Variants in TBC1D19 observed in about 807,000 individuals in gnomAD.
The protein encoded by TBC1D19 is TBC1 domain family, member 19.
Under a neutral mutation model 89.0 loss-of-function variants are expected in TBC1D19, and 60 were observed. The observed-to-expected ratio is 0.67, with a 90% CI of 0.55 to 0.84. The LOEUF (loss-of-function observed/expected upper bound fraction) is 0.84, where lower values mean the gene tolerates loss of function less well. TBC1D19 is among the 40% of genes least tolerant of loss of function. TBC1D19 has a pLI of 0.00. For synonymous variants in TBC1D19, 189 were observed against 199.7 expected (o/e 0.95, Z 0.45); for missense variants, 500 against 610.8 (o/e 0.82, Z 1.91).
the TBC1D19 span, among the ~76,000 whole-genome samples, chr4:26,850,746 C>T: frequency 1.4e-3 from 208 of 152,112 alleles, 1 homozygote; most frequent in African/African-American, 4.6e-3. Flanking sequence ...AACTGTGAGA[C>T]AAAAAATTTC....
chr4:26,775,647 A>C, the TBC1D19 span, among the ~76,000 whole-genome samples: 1 of 152,222 alleles, frequency 6.6e-6, no homozygotes, highest in East Asian at 1.9e-4. Context: ...ACACCTTGAT[A>C]TTGGATTTCC....
intron 16 of TBC1D19, among the ~76,000 whole-genome samples, 189 bp downstream of exon 16, chr4:26,735,676 T>A (rs1370762298): frequency 6.6e-6 from 1 of 152,110 alleles, no homozygotes; most frequent in East Asian, 1.9e-4. Flanking sequence ...TATTACACAT[T>A]AGAAAATTGA....
intron 13 of TBC1D19, among the ~76,000 whole-genome samples, chr4:26,699,830 A>T (rs1185417810): frequency 7.3e-6 from 1 of 136,576 alleles, no homozygotes; most frequent in Non-Finnish European, 1.5e-5. Context: ...ACTTGGACAC[A>T]GGAAGGGGAA....
At chr4:26,787,394 G>A in the TBC1D19 span, among the ~76,000 whole-genome samples, 19 of 152,088 alleles carry the variant, frequency 1.2e-4, no homozygotes, top group Non-Finnish European at 1.9e-4. Flanking sequence ...GAGCCACAGC[G>A]CCTGTCTAAA....
the TBC1D19 span, among the ~76,000 whole-genome samples, chr4:26,765,550 A>G: frequency 6.6e-6 from 1 of 152,122 alleles, no homozygotes; most frequent in Admixed American, 6.6e-5. Flanking sequence ...ATTGATGCCT[A>G]GAGAGTAAGT....
the TBC1D19 span, among the ~76,000 whole-genome samples, chr4:26,779,123 G>A: frequency 6.6e-6 from 1 of 152,202 alleles, no homozygotes; most frequent in African/African-American, 2.4e-5. Context: ...GATCTAGTTT[G>A]GGGCCTGAGA....
intron 13 of TBC1D19, among the ~76,000 whole-genome samples, chr4:26,700,997 C>T (rs1392282561): frequency 1.3e-5 from 2 of 152,144 alleles, no homozygotes; most frequent in Admixed American, 6.5e-5. Context: ...CCCACCTCTC[C>T]GGGTGGATTG....
Position 26,754,160 on chromosome 4 carries a change from G to A in TBC1D19, c.1506+270G>A, listed in dbSNP as rs77422029. 4.4e-3 allele frequency: 1,545 copies of A among 352,044 alleles called. 6 individuals are homozygous for A. Among genetic ancestry groups the A allele is most frequent in the Non-Finnish European group, 6.3e-3 (1,186 of 188,984 alleles). The allele number at this position is 352,044 out of a possible 1,614,324, so 21.8% of individuals were successfully genotyped here. ...AAACCAGATACCTGGTAATTTTAAT[G>A]GAAACAATTGGGGTTTATGTTGCAT... is the stretch of plus-strand genomic sequence containing the variant. On this transcript the variant is annotated intron_variant, in intron 20 of 20. Transcript: ENST00000264866.
At chr4:26,600,007 G>A (rs915789846) in intron 1 of TBC1D19, among the ~76,000 whole-genome samples, 1 of 150,494 alleles carries the variant, frequency 6.6e-6, no homozygotes, top group African/African-American at 2.4e-5. Flanking sequence ...AGATGATGGG[G>A]TGATTAGCAT....
the TBC1D19 span, among the ~76,000 whole-genome samples, chr4:26,787,653 A>C: frequency 6.6e-6 from 1 of 151,796 alleles, no homozygotes; most frequent in Non-Finnish European, 1.5e-5. Flanking sequence ...AGTGTAGAGG[A>C]CTTGACATGC....
At chr4:26,707,597 A>T (rs1274340218) in intron 13 of TBC1D19, among the ~76,000 whole-genome samples, 3 of 151,644 alleles carry the variant, frequency 2.0e-5, no homozygotes. Context: ...TATAGCTTTT[A>T]TGCCTCTCAT....
At chr4:26,827,722 T>TC in the TBC1D19 span, among the ~76,000 whole-genome samples, 1 of 151,326 alleles carries the variant, frequency 6.6e-6, no homozygotes, top group Non-Finnish European at 1.5e-5. Context: ...GTTTTGTTTT[T>TC]TTTTTTTTGA....
chr4:26,731,456 C>T (rs1717659281), intron 15 of TBC1D19, among the ~76,000 whole-genome samples: 1 of 151,878 alleles, frequency 6.6e-6, no homozygotes, highest in African/African-American at 2.4e-5. Context: ...GGTATAAGGG[C>T]TAAGGGAGAA....
chr4:26,814,227 A>T, the TBC1D19 span, among the ~76,000 whole-genome samples: 11 of 152,208 alleles, frequency 7.2e-5, no homozygotes, highest in Non-Finnish European at 1.5e-4. Context: ...TGAATTGAGG[A>T]TGCAAGTCAC....
At chr4:26,624,037 C>G (rs1311884152) in intron 4 of TBC1D19, among the ~76,000 whole-genome samples, 1 of 152,138 alleles carries the variant, frequency 6.6e-6, no homozygotes, top group African/African-American at 2.4e-5. Flanking sequence ...CAGAGCCCAG[C>G]ATTTAAGAAT....
chr4:26,693,200 T>C (rs1018125940), intron 13 of TBC1D19, among the ~76,000 whole-genome samples: 8 of 151,440 alleles, frequency 5.3e-5, no homozygotes, highest in African/African-American at 1.9e-4. Flanking sequence ...CGGCATACTC[T>C]GAAGTACATC....
intron 1 of TBC1D19, among the ~76,000 whole-genome samples, chr4:26,595,527 C>T (rs756930308): frequency 1.1e-4 from 16 of 152,120 alleles, no homozygotes; most frequent in Non-Finnish European, 2.4e-4. Context: ...ATGTTGTCTT[C>T]TAGATGTCTT....
intron 7 of TBC1D19, among the ~76,000 whole-genome samples, chr4:26,648,186 C>T (rs945800984): frequency 2.6e-5 from 4 of 152,108 alleles, no homozygotes; most frequent in Admixed American, 1.3e-4. Context: ...TTCTCAGTTA[C>T]ACAGGATGTG....
At chr4:26,697,383 C>A (rs111563874) in intron 13 of TBC1D19, among the ~76,000 whole-genome samples, 2,710 of 152,142 alleles carry the variant, frequency 0.018, 53 homozygotes, top group East Asian at 0.067. Flanking sequence ...GCCTACCAAC[C>A]AAAAGAAGTC....
Sources: gnomAD v4.1 joint callset for allele counts (sites outside exome capture counted in the v4.1 genomes callset) on GRCh38, gnomAD v4.1.1 for gene constraint, MANE v1.5 for transcripts, NCBI Gene and HGNC (gene_info 2026-07-23, HGNC 2026-07-21) for gene names.